The following FRMD4A variants were observed in gnomAD, a reference collection of about 807,000 sequenced individuals.
FRMD4A encodes the protein FERM domain-containing protein 4A.
Under a neutral mutation model 129.1 loss-of-function variants are expected in FRMD4A, and 29 were observed. The observed-to-expected ratio is 0.22, with a 90% CI of 0.17 to 0.31. The LOEUF is 0.31. Ranked by LOEUF, FRMD4A falls within the 10% of genes least tolerant of loss-of-function variation. FRMD4A has a pLI of 1.00. For synonymous variants in FRMD4A, 634 were observed against 571.6 expected (o/e 1.11, Z -1.56); for missense variants, 1,272 against 1,375.8 (o/e 0.92, Z 1.19).
At chr10:13,699,342 A>G (rs555015483) in intron 14 of FRMD4A, among the ~76,000 whole-genome samples, 1 of 149,126 alleles carries the variant, frequency 6.7e-6, no homozygotes, top group African/African-American at 2.5e-5. Flanking sequence ...TTCCCAAAGT[A>G]CTGAGATTAC....
intron 2 of FRMD4A, among the ~76,000 whole-genome samples, chr10:14,159,741 A>G (rs1335566610): frequency 2.0e-5 from 3 of 152,230 alleles, no homozygotes; most frequent in Non-Finnish European, 4.4e-5. Context: ...GTATCACCTG[A>G]TGGAACTTCA....
chr10:14,127,631 T>C (rs924854303), intron 2 of FRMD4A, among the ~76,000 whole-genome samples: 1 of 152,294 alleles, frequency 6.6e-6, no homozygotes, highest in Non-Finnish European at 1.5e-5. Context: ...CGTAAGACCC[T>C]TCACTGTGGG....
At chr10:13,792,456 A>C (rs972123751) in intron 5 of FRMD4A, among the ~76,000 whole-genome samples, 1 of 152,102 alleles carries the variant, frequency 6.6e-6, no homozygotes, top group African/African-American at 2.4e-5. Context: ...AGCATGCAGT[A>C]GGGGAGGACA....
intron 2 of FRMD4A, among the ~76,000 whole-genome samples, chr10:14,194,548 T>G (rs1209014944): frequency 1.3e-5 from 2 of 152,090 alleles, no homozygotes; most frequent in African/African-American, 4.8e-5. Flanking sequence ...GAGGCGGAGC[T>G]TGCAGTGAGC....
intron 2 of FRMD4A, among the ~76,000 whole-genome samples, chr10:14,000,111 C>CGTA (rs901748278): frequency 2.0e-5 from 3 of 152,044 alleles, no homozygotes; most frequent in African/African-American, 7.2e-5. Context: ...ATTAAAAATC[C>CGTA]GTAGATGTGG....
chr10:13,754,995 G>A (rs2091796891), intron 8 of FRMD4A, among the ~76,000 whole-genome samples: 1 of 152,188 alleles, frequency 6.6e-6, no homozygotes, highest in South Asian at 2.1e-4. Context: ...AGCTGTGGTA[G>A]TAAAACCACT....
At chr10:14,128,567 A>G (rs1176389886) in intron 2 of FRMD4A, among the ~76,000 whole-genome samples, 1 of 152,202 alleles carries the variant, frequency 6.6e-6, no homozygotes, top group Non-Finnish European at 1.5e-5. Context: ...TGACGATACA[A>G]TAAATTGGCT....
chr10:13,688,091 G>A (rs964030190), intron 15 of FRMD4A, among the ~76,000 whole-genome samples: 11 of 152,130 alleles, frequency 7.2e-5, no homozygotes, highest in Admixed American at 1.3e-4. Flanking sequence ...GCAGTGTGAT[G>A]AGCAGGACTG....
chr10:13,753,226 G>A (rs185786200), intron 8 of FRMD4A, among the ~76,000 whole-genome samples: 26 of 152,294 alleles, frequency 1.7e-4, no homozygotes, highest in Non-Finnish European at 3.5e-4. Context: ...AAACCAAGGT[G>A]AAGCTGAGGT....
At chr10:14,274,039 C>T (rs1159749691) in intron 2 of FRMD4A, among the ~76,000 whole-genome samples, 1 of 152,082 alleles carries the variant, frequency 6.6e-6, no homozygotes, top group Non-Finnish European at 1.5e-5. Context: ...ATGACGAATG[C>T]TCAATTCCAT....
intron 2 of FRMD4A, chr10:14,326,867 G>A (rs1843297862): frequency 2.5e-6 from 1 of 398,590 alleles, no homozygotes; most frequent in Non-Finnish European, 4.4e-6. Context: ...TTCGCTGCCT[G>A]AGATTCTTGC....
intron 2 of FRMD4A, among the ~76,000 whole-genome samples, chr10:14,262,492 G>A (rs1301895257): frequency 6.6e-6 from 1 of 152,144 alleles, no homozygotes; most frequent in Non-Finnish European, 1.5e-5. Flanking sequence ...GAAGGCACTG[G>A]AATGCAAGTA....
chr10:14,099,020 C>A (rs901718717), intron 2 of FRMD4A, among the ~76,000 whole-genome samples: 2 of 152,176 alleles, frequency 1.3e-5, no homozygotes, highest in Admixed American at 6.5e-5. Flanking sequence ...CAGTGAAATC[C>A]CAGGAGCACT....
chr10:14,043,867 C>T (rs1833881189), intron 2 of FRMD4A, among the ~76,000 whole-genome samples: 1 of 152,140 alleles, frequency 6.6e-6, no homozygotes, highest in Non-Finnish European at 1.5e-5. Flanking sequence ...TGCCCTCTCG[C>T]CCAGACTGCA....
At chr10:13,917,520 C>T (rs559576752) in intron 2 of FRMD4A, among the ~76,000 whole-genome samples, 1 of 152,178 alleles carries the variant, frequency 6.6e-6, no homozygotes, top group South Asian at 2.1e-4. Flanking sequence ...GAACTCCTGG[C>T]CTCAAGCAAT....
intron 2 of FRMD4A, chr10:13,991,753 A>G (rs2095604336): frequency 6.6e-6 from 1 of 152,630 alleles, no homozygotes; most frequent in Non-Finnish European, 1.5e-5. Flanking sequence ...GGTTTCCCTT[A>G]CAGAAAGTAA....
At chr10:14,186,322 G>T (rs1277497090) in intron 2 of FRMD4A, among the ~76,000 whole-genome samples, 1 of 152,102 alleles carries the variant, frequency 6.6e-6, no homozygotes, top group Non-Finnish European at 1.5e-5. Context: ...CCCTGAATTT[G>T]CACATGCGAC....
intron 8 of FRMD4A, among the ~76,000 whole-genome samples, chr10:13,758,544 G>C (rs1487139264): frequency 6.6e-6 from 1 of 152,218 alleles, no homozygotes; most frequent in Non-Finnish European, 1.5e-5. Flanking sequence ...GGTCTTGCCC[G>C]GGCGTGCCTG....
intron 12 of FRMD4A, among the ~76,000 whole-genome samples, chr10:13,719,765 C>T (rs911606313): frequency 6.6e-6 from 1 of 152,112 alleles, no homozygotes; most frequent in African/African-American, 2.4e-5. Flanking sequence ...GCAGGGTTTC[C>T]CAACTGAACA....
Sources: allele counts gnomAD v4.1 joint callset (sites outside exome capture counted in the v4.1 genomes callset), GRCh38; gene constraint gnomAD v4.1.1; transcripts MANE v1.5; gene names NCBI Gene and HGNC (gene_info 2026-07-23, HGNC 2026-07-21).